CBFA2T2: variants seen among roughly 807,000 people sequenced by gnomAD.
The protein encoded by CBFA2T2 is CBFA2/RUNX1 partner transcriptional co-repressor 2, also known as protein CBFA2T2.
CBFA2T2 carries 11 observed loss-of-function variants against 62.2 expected under a neutral mutation model. The ratio of observed to expected loss-of-function variants is 0.18; its 90% CI spans 0.11 to 0.29. CBFA2T2 has a LOEUF of 0.29. Ranked by LOEUF, CBFA2T2 falls within the 10% of genes least tolerant of loss-of-function variation. The pLI is 1.00. For missense variants in CBFA2T2, 592 were observed against 774.1 expected (o/e 0.76, Z 2.79); for synonymous variants, 295 against 287.5 (o/e 1.03, Z -0.27).
intron 1 of CBFA2T2, among the ~76,000 whole-genome samples, chr20:33,561,193 T>G (rs1183127647): frequency 1.3e-5 from 2 of 152,170 alleles, no homozygotes; most frequent in Non-Finnish European, 2.9e-5. Context: ...TTCTTTTCTT[T>G]TTTAAAGATG....
intron 1 of CBFA2T2, among the ~76,000 whole-genome samples, chr20:33,545,765 C>T (rs1444780119): frequency 6.6e-6 from 1 of 152,144 alleles, no homozygotes; most frequent in Non-Finnish European, 1.5e-5. Context: ...TATCTTTTTG[C>T]AGTCTACCAT....
At chr20:33,544,643 G>A (rs1326027263) in intron 1 of CBFA2T2, among the ~76,000 whole-genome samples, 1 of 152,070 alleles carries the variant, frequency 6.6e-6, no homozygotes, top group African/African-American at 2.4e-5. Flanking sequence ...CACCTCCTGG[G>A]TTCAAGCAGT....
At chr20:33,533,339 ATAGAT>A (rs1489783702) in intron 1 of CBFA2T2, among the ~76,000 whole-genome samples, 3 of 152,242 alleles carry the variant, frequency 2.0e-5, no homozygotes, top group Admixed American at 2.0e-4. Flanking sequence ...TTCAGTCACT[ATAGAT>A]TAGTGTGCAT....
chr20:33,574,928 AT>A (rs1193674428), intron 1 of CBFA2T2, among the ~76,000 whole-genome samples: 2 of 152,260 alleles, frequency 1.3e-5, no homozygotes, highest in Admixed American at 6.5e-5. Flanking sequence ...CTTTTAAAAA[AT>A]GTGGCTGATA....
At chr20:33,620,548 T>A (rs150322767) in intron 4 of CBFA2T2, among the ~76,000 whole-genome samples, 86 of 151,286 alleles carry the variant, frequency 5.7e-4, no homozygotes, top group Admixed American at 3.2e-3. Flanking sequence ...TATTTAAGAG[T>A]AAGCCGCAAG....
rs11340386 is a variant in CBFA2T2 at position 33,645,263 on chromosome 20, TA to T, written c.*621del. On this transcript the variant is annotated 3_prime_UTR_variant, in exon 11 of 11. Transcript: ENST00000342704. ...AAAAGCACCCGTAGTAGCAAAAACA[TA>T]AAACAAATAAAACTTCCCCCACATC... 63,665 of 152,044 alleles carry T rather than the reference TA, an allele frequency of 0.42. 15,293 individuals are homozygous for T. The highest frequency in any genetic ancestry group is 0.66 in the African/African-American group (27,385 of 41,458). The allele number at this position is 152,044 out of a possible 1,614,324, so 9.4% of individuals were successfully genotyped here. A position where few individuals can be genotyped will look rare whatever the true frequency, so the allele number is the denominator to read the frequency against.
At chr20:33,578,669 A>AG (rs1335570549) in intron 1 of CBFA2T2, among the ~76,000 whole-genome samples, 2 of 152,148 alleles carry the variant, frequency 1.3e-5, no homozygotes, top group African/African-American at 4.8e-5. Flanking sequence ...TGGGAGCTTA[A>AG]GAAGGGTATT....
chr20:33,643,315 C>T (rs1457170304), intron 10 of CBFA2T2, among the ~76,000 whole-genome samples: 1 of 152,088 alleles, frequency 6.6e-6, no homozygotes, highest in African/African-American at 2.4e-5. Flanking sequence ...GTGGCCCATG[C>T]CTGTAATTCC....
chr20:33,587,154 G>A (rs375486209), intron 1 of CBFA2T2, among the ~76,000 whole-genome samples: 2 of 152,136 alleles, frequency 1.3e-5, no homozygotes, highest in African/African-American at 4.8e-5. Flanking sequence ...ATGTTGTCCA[G>A]GCTGTTCTCA....
intron 1 of CBFA2T2, among the ~76,000 whole-genome samples, chr20:33,519,320 A>G (rs563923904): frequency 2.0e-5 from 3 of 152,008 alleles, no homozygotes; most frequent in Non-Finnish European, 4.4e-5. Context: ...AAATGCAAAA[A>G]TTAGCCCGGT....
Position 33,557,559 on chromosome 20 carries a change from T to G in CBFA2T2, c.35-49397T>G, listed in dbSNP as rs141714719. ...TCTCACTCTGTCACCCAGGGTGAAG[T>G]GCAGTGGTGGGATCATAGTTCACTG... On this transcript the variant is annotated intron_variant, in intron 1 of 10. Transcript: ENST00000342704. Among the ~76,000 whole-genome samples the G allele has an allele frequency of 2.6e-4, 40 of 152,266 alleles. No individual in the cohort carries two copies. The East Asian group carries it at 7.7e-3, about 29-fold the overall frequency.
chr20:33,579,041 T>A (rs891388901), intron 1 of CBFA2T2, among the ~76,000 whole-genome samples: 1 of 151,944 alleles, frequency 6.6e-6, no homozygotes, highest in Non-Finnish European at 1.5e-5. Context: ...TTTTAAAATA[T>A]ATAATAAACA....
chr20:33,570,909 G>C (rs1282003898), intron 1 of CBFA2T2, among the ~76,000 whole-genome samples: 1 of 152,182 alleles, frequency 6.6e-6, no homozygotes, highest in Admixed American at 6.5e-5. Context: ...AGCAAACTGT[G>C]CTTCTGTCTC....
intron 1 of CBFA2T2, among the ~76,000 whole-genome samples, chr20:33,494,232 C>CGCATATAT (rs1319088292): frequency 5.0e-5 from 3 of 60,036 alleles, no homozygotes; most frequent in African/African-American, 1.8e-4. Context: ...ATGTATTAGG[C>CGCATATAT]ATATATATGT....
At chr20:33,496,916 C>T (rs1156755364) in intron 1 of CBFA2T2, among the ~76,000 whole-genome samples, 3 of 152,134 alleles carry the variant, frequency 2.0e-5, no homozygotes, top group African/African-American at 7.2e-5. Context: ...TTTCCTACTC[C>T]CGTCTCATGG....
chr20:33,591,425 G>T (rs1320215968), intron 1 of CBFA2T2, among the ~76,000 whole-genome samples: 1 of 132,352 alleles, frequency 7.6e-6, no homozygotes, highest in African/African-American at 2.9e-5. Flanking sequence ...AGTGAGCCGA[G>T]ATCCCACTAC....
intron 1 of CBFA2T2, among the ~76,000 whole-genome samples, chr20:33,513,422 C>T (rs1355852768): frequency 2.0e-5 from 3 of 151,016 alleles, no homozygotes; most frequent in South Asian, 2.1e-4. Flanking sequence ...TGCAGTGGCA[C>T]AGTATCAGCT....
chr20:33,498,607 A>T lies in CBFA2T2; in HGVS notation c.34+8306A>T, dbSNP rs147355598. Among the ~76,000 whole-genome samples the T allele has an allele frequency of 3.0e-4, 45 of 152,072 alleles. No homozygotes were observed. The East Asian group carries it at 8.2e-3, about 28-fold the overall frequency. On this transcript the variant is annotated intron_variant, in intron 1 of 10. Coordinates refer to ENST00000342704, the MANE Select transcript of CBFA2T2 (RefSeq NM_001032999.3). The stretch of plus-strand genomic sequence containing the variant: ...AAAATCAGCAGAGAGGTTGGGCGTG[A>T]TGGTGGTGCCACTCAGCTGTAGTCC...
intron 6 of CBFA2T2, among the ~76,000 whole-genome samples, chr20:33,627,746 A>G (rs1199911972): frequency 6.6e-6 from 1 of 152,230 alleles, no homozygotes; most frequent in Non-Finnish European, 1.5e-5. Context: ...TTATGACTAT[A>G]AATTCAGACT....
Sources: gnomAD v4.1 joint callset for allele counts (sites outside exome capture counted in the v4.1 genomes callset) on GRCh38, gnomAD v4.1.1 for gene constraint, MANE v1.5 for transcripts, NCBI Gene and HGNC (gene_info 2026-07-23, HGNC 2026-07-21) for gene names.